SGCB: variants seen among roughly 807,000 people sequenced by gnomAD.
The protein encoded by SGCB is beta-sarcoglycan.
SGCB carries 25 observed loss-of-function variants against 27.3 expected under a neutral mutation model. The observed-to-expected ratio is 0.92, with a 90% CI of 0.67 to 1.28. The LOEUF is 1.28. Among genes scored for constraint, SGCB ranks in the 50% most tolerant of loss-of-function variants. The probability of loss-of-function intolerance (pLI) is 0.00; values close to 1 mark genes in which losing one functional copy is unlikely to be tolerated. For missense variants in SGCB, 436 were observed against 402.1 expected, an observed-to-expected ratio of 1.08 and a Z score of -0.72; for synonymous variants, 147 against 133.5, an observed-to-expected ratio of 1.10 and a Z score of -0.70.
At chr4:52,028,950 T>C (rs561954222) in intron 3 of SGCB, 29 bp from the exon 4 acceptor site, 3 of 1,558,168 alleles carry the variant, frequency 1.9e-6, no homozygotes, top group African/African-American at 1.4e-5. Context: ...ATTGTGAATA[T>C]ATTTTCAAAG....
intron 5 of SGCB, among the ~76,000 whole-genome samples, chr4:52,024,930 A>G (rs552863661): frequency 2.0e-5 from 3 of 152,090 alleles, no homozygotes; most frequent in South Asian, 4.2e-4. Context: ...TTCAAACCAT[A>G]TAATTTGAAG....
At position 52,029,668 on chromosome 4, in the gene SGCB, G is replaced by A; in HGVS notation, c.429+10C>T. The A allele has an allele frequency of 6.3e-7, 1 of 1,597,468 alleles. No individual in the cohort carries two copies. Among genetic ancestry groups the A allele is most frequent in the Non-Finnish European group, 8.6e-7 (1 of 1,165,048 alleles). ...TGTTTGCATTTCTTTCAGTTAATGT[G>A]GCAACTTACAGGCTGGTTGTTGCCA... On this transcript the variant is annotated intron_variant, in intron 3 of 5. Transcript: ENST00000381431.
intron 5 of SGCB, among the ~76,000 whole-genome samples, chr4:52,024,460 A>C (rs1441092773): frequency 6.6e-6 from 1 of 152,168 alleles, no homozygotes; most frequent in Non-Finnish European, 1.5e-5. Context: ...AAAGTTTCAG[A>C]TCATTTTCAT....
intron 2 of SGCB, among the ~76,000 whole-genome samples, chr4:52,030,288 G>C (rs1222047198): frequency 6.6e-6 from 1 of 151,478 alleles, no homozygotes; most frequent in African/African-American, 2.4e-5. Context: ...CATAATTTAG[G>C]TTTTATTATT....
chr4:52,031,196 A>G (rs1411069341), intron 2 of SGCB, among the ~76,000 whole-genome samples: 7 of 152,026 alleles, frequency 4.6e-5, no homozygotes, highest in African/African-American at 1.7e-4. Flanking sequence ...TTCTTGACTT[A>G]TGTATTTGAT....
chr4:52,035,373 G>T (rs1737359330), intron 1 of SGCB, among the ~76,000 whole-genome samples: 1 of 152,150 alleles, frequency 6.6e-6, no homozygotes, highest in South Asian at 2.1e-4. Flanking sequence ...CAATAGTCTA[G>T]GCAATACACA....
intron 2 of SGCB, 71 bp from the exon 3 acceptor site, chr4:52,029,934 T>C (rs1331938517): frequency 7.8e-6 from 9 of 1,148,938 alleles, no homozygotes; most frequent in Non-Finnish European, 1.2e-5. Context: ...AAATAGAAAA[T>C]ATTATCACCA....
intron 2 of SGCB, chr4:52,031,958 G>C (rs759700453): frequency 2.2e-6 from 1 of 456,046 alleles, no homozygotes; most frequent in African/African-American, 2.0e-5. Context: ...TGGCTGCCAG[G>C]GAGCTGGAGG....
rs1456077120 is a variant in SGCB at position 52,028,021 on chromosome 4, T to C, written c.700A>G (p.Ile234Val). 1.2e-6 allele frequency: 2 copies of C among 1,613,736 alleles called. No individual in the cohort carries two copies. Among genetic ancestry groups the C allele is most frequent in the Admixed American group, 1.7e-5 (1 of 60,030 alleles). The change falls in exon 5 of 6, where the codon ATT (isoleucine) becomes GTT (valine). Residue 234 changes from isoleucine (I) to valine (V), a missense_variant. Physicochemically the swap from Ile to Val is conservative, Grantham distance 29. Transcript: ENST00000381431. ...TGAAATTCAATGGTTTTGCCCATAATGAATACACCTTCATTTCCACGCACA... is the reference window on the plus strand; with the variant it reads ...TGAAATTCAATGGTTTTGCCCATAACGAATACACCTTCATTTCCACGCACA... ...AIVRGNEGVF[I>V]MGKTIEFHMG...
At chr4:52,025,968 G>C (rs181899575) in intron 5 of SGCB, among the ~76,000 whole-genome samples, 17 of 152,288 alleles carry the variant, frequency 1.1e-4, no homozygotes, top group Admixed American at 9.8e-4. Flanking sequence ...ATGCCTATCA[G>C]ATATCAAAAT....
intron 5 of SGCB, among the ~76,000 whole-genome samples, chr4:52,026,188 T>G (rs1156556249): frequency 1.3e-5 from 2 of 152,054 alleles, no homozygotes; most frequent in African/African-American, 2.4e-5. Context: ...TTCCAATTTG[T>G]TCCAATGCTG....
At chr4:52,038,180 G>A in intron 1 of SGCB, 47 bp downstream of exon 1, 1 of 1,188,710 alleles carries the variant, frequency 8.4e-7, no homozygotes, top group Non-Finnish European at 1.0e-6. Flanking sequence ...GGCAGGACGC[G>A]GCCTCCCCCG....
In SGCB at chr4:52,021,111, T is replaced by A. The variant is rs1736938215; in HGVS notation, c.*2846A>T. On this transcript the variant is annotated 3_prime_UTR_variant, in exon 6 of 6. Transcript: ENST00000381431. ...TTTCTGTCTGCCCATTATTAAGAAA[T>A]CTTGCATTGATTTCATTTGCCCCCC... The A allele has an allele frequency of 6.6e-6, 1 of 152,196 alleles. No homozygotes were observed. Among genetic ancestry groups the A allele is most frequent in the Non-Finnish European group, 1.5e-5 (1 of 68,040 alleles). 9.4% of individuals were successfully genotyped at this position (152,196 alleles called of 1,614,324 possible). A position where few individuals can be genotyped will look rare whatever the true frequency, so the allele number is the denominator to read the frequency against.
intron 2 of SGCB, among the ~76,000 whole-genome samples, chr4:52,030,665 C>G (rs910111399): frequency 6.6e-6 from 1 of 152,108 alleles, no homozygotes; most frequent in Non-Finnish European, 1.5e-5. Flanking sequence ...GTTTGGTCTG[C>G]GTGGGCTGGA....
rs2109370000 is a variant in SGCB, at chr4:52,028,043, C to T, written c.678G>A (p.Val226=). The change falls in exon 5 of 6, where the codon GTG becomes GTA. Residue 226 remains valine (V), a synonymous_variant. Coordinates refer to ENST00000381431, the MANE Select transcript of SGCB (RefSeq NM_000232.5). ...LNIKVDGRAI[V]RGNEGVFIMG... is the part of the protein sequence containing the mutation. ...TAATGAATACACCTTCATTTCCACG[C>T]ACAATAGCACGCCCATCAACTTTTA... is the stretch of plus-strand genomic sequence containing the variant. The T allele has an allele frequency of 1.9e-6, 3 of 1,613,374 alleles. No homozygotes were observed. In the South Asian group the frequency reaches 3.3e-5, roughly 18 times the overall value.
At chr4:52,036,417 T>G (rs760967025) in intron 1 of SGCB, among the ~76,000 whole-genome samples, 6 of 152,114 alleles carry the variant, frequency 3.9e-5, no homozygotes, top group Non-Finnish European at 8.8e-5. Context: ...ATAAATACCA[T>G]GACAAGAACA....
At chr4:52,027,922 AC>A in intron 5 of SGCB, 45 bp downstream of exon 5, 1 of 1,548,762 alleles carries the variant, frequency 6.5e-7, no homozygotes, top group Non-Finnish European at 8.9e-7. Flanking sequence ...GGATTTATGT[AC>A]CCAAGAACCT....
Position 52,024,134 on chromosome 4 carries a change from A to T in SGCB, c.780T>A (p.Ser260=), listed in dbSNP as rs752920764. The change falls in exon 6 of 6, where the codon TCT becomes TCA. Residue 260 remains serine (S), a synonymous_variant. Transcript: ENST00000381431. ...KAENSIILNG[S]VMVSTTRLPS... Reference sequence around the variant, plus strand: ...GTAGGCGGGTGGTGCTGACCATCACAGATCCATTTAGGATGATACTGTTTT... The same window carrying T: ...GTAGGCGGGTGGTGCTGACCATCACTGATCCATTTAGGATGATACTGTTTT... 10 of 1,613,982 alleles carry T rather than the reference A, an allele frequency of 6.2e-6. No homozygotes were observed. The highest frequency in any genetic ancestry group is 8.5e-6 in the Non-Finnish European group (10 of 1,179,924).
chr4:52,028,859 AC>A lies in SGCB; in HGVS notation c.491del (p.Ser164MetfsTer32). ...SVENNKTSIT[S>X]DIGMQFFDPR... ...GGTCAAAAAACTGCATGCCGATGTC[AC>A]TTGTAATAGAAGTTTTGTTGTTTTC... On this transcript the variant is annotated frameshift_variant, in exon 4 of 6. Coordinates refer to ENST00000381431, the MANE Select transcript of SGCB (RefSeq NM_000232.5). LOFTEE classifies it high-confidence loss of function. 6.2e-7 allele frequency: 1 copy of A among 1,613,944 alleles called. No individual in the cohort carries two copies. Among genetic ancestry groups the A allele is most frequent in the Non-Finnish European group, 8.5e-7 (1 of 1,179,846 alleles).
Sources: allele counts gnomAD v4.1 joint callset (sites outside exome capture counted in the v4.1 genomes callset), GRCh38; gene constraint gnomAD v4.1.1; transcripts MANE v1.5; gene names NCBI Gene and HGNC (gene_info 2026-07-23, HGNC 2026-07-21).